TAF4B: variants seen among roughly 807,000 people sequenced by gnomAD.
TAF4B encodes transcription initiation factor TFIID subunit 4B.
TAF4B carries 38 observed loss-of-function variants against 86.4 expected under a neutral mutation model. The observed-to-expected ratio is 0.44, with a 90% CI of 0.34 to 0.58. TAF4B has a LOEUF of 0.58. Ranked by LOEUF, TAF4B falls within the 20% of genes least tolerant of loss-of-function variation. The pLI is 0.02. For synonymous variants in TAF4B, 388 were observed against 391.2 expected (o/e 0.99, Z 0.10); for missense variants, 988 against 1,027.6 (o/e 0.96, Z 0.53).
At chr18:26,317,930 T>C (rs557967886) in intron 10 of TAF4B, among the ~76,000 whole-genome samples, 3 of 152,228 alleles carry the variant, frequency 2.0e-5, no homozygotes, top group African/African-American at 7.2e-5. Flanking sequence ...CCCGTAAAAC[T>C]TCACTTACAA....
intron 13 of TAF4B, among the ~76,000 whole-genome samples, chr18:26,337,424 C>CTTTTTTTTT (rs551888808): frequency 3.4e-4 from 43 of 126,088 alleles, no homozygotes; most frequent in East Asian, 1.4e-3. Context: ...TTCTTTCTTT[C>CTTTTTTTTT]TTTTTTTTTT....
intron 13 of TAF4B, among the ~76,000 whole-genome samples, chr18:26,356,878 A>G (rs554869492): frequency 9.9e-5 from 15 of 151,146 alleles, no homozygotes; most frequent in African/African-American, 3.6e-4. Context: ...TTAATAGGAC[A>G]TCTTTCATGC....
At chr18:26,246,594 C>A (rs1328244433) in intron 1 of TAF4B, among the ~76,000 whole-genome samples, 1 of 151,646 alleles carries the variant, frequency 6.6e-6, no homozygotes, top group Non-Finnish European at 1.5e-5. Flanking sequence ...AGTGCAGTGG[C>A]GCGATCTCAG....
At chr18:26,306,868 C>T (rs1026193986) in intron 9 of TAF4B, among the ~76,000 whole-genome samples, 1 of 152,040 alleles carries the variant, frequency 6.6e-6, no homozygotes, top group Non-Finnish European at 1.5e-5. Context: ...AGCTCTGCCT[C>T]CTGGGTTCAC....
At chr18:26,313,856 TG>T (rs568120179) in intron 9 of TAF4B, among the ~76,000 whole-genome samples, 46 of 151,918 alleles carry the variant, frequency 3.0e-4, no homozygotes, top group Non-Finnish European at 6.0e-4. Flanking sequence ...TCTGTAGAGG[TG>T]GTATCTCCCT....
In TAF4B at chr18:26,226,933, G is replaced by A. The variant is rs2055584102; in HGVS notation, c.-1G>A. 2.2e-6 allele frequency: 3 copies of A among 1,371,032 alleles called. No homozygotes were observed. The highest frequency in any genetic ancestry group is 4.0e-5 in the Admixed American group (1 of 24,836). 84.9% of individuals were successfully genotyped at this position (1,371,032 alleles called of 1,614,324 possible). ...CAAAGCTGCCGCTGAGCCCCTGGGG[G>A]ATGCCCGCCGGCCTCACCGAACCCG... On this transcript the variant is annotated 5_prime_UTR_variant, in exon 1 of 15. Transcript: ENST00000269142.
At chr18:26,300,428 C>G (rs1009357439) in intron 9 of TAF4B, among the ~76,000 whole-genome samples, 6 of 149,358 alleles carry the variant, frequency 4.0e-5, no homozygotes, top group African/African-American at 1.5e-4. Context: ...CAATTTCTCC[C>G]TAAATACTGA....
chr18:26,286,832 C>A (rs573719739), intron 7 of TAF4B, among the ~76,000 whole-genome samples: 2 of 152,102 alleles, frequency 1.3e-5, no homozygotes, highest in Non-Finnish European at 2.9e-5. Flanking sequence ...TACAGGTGTG[C>A]ACCACCACGC....
chr18:26,261,677 C>T (rs1307769313), intron 1 of TAF4B, among the ~76,000 whole-genome samples: 2 of 152,182 alleles, frequency 1.3e-5, no homozygotes, highest in Non-Finnish European at 1.5e-5. Context: ...TAAATTTGGG[C>T]TCCTTTACAG....
At chr18:26,288,352 T>C (rs1306533220) in intron 7 of TAF4B, among the ~76,000 whole-genome samples, 1 of 152,076 alleles carries the variant, frequency 6.6e-6, no homozygotes, top group African/African-American at 2.4e-5. Context: ...AACAGTTAAG[T>C]GGCCGGGCGC....
intron 14 of TAF4B, among the ~76,000 whole-genome samples, chr18:26,387,687 G>T (rs1238055900): frequency 6.6e-6 from 1 of 152,102 alleles, no homozygotes; most frequent in Admixed American, 6.5e-5. Flanking sequence ...CTGTAGATGG[G>T]CTCTGGGATA....
chr18:26,277,003 C>G (rs1672438535), intron 5 of TAF4B, among the ~76,000 whole-genome samples: 2 of 152,086 alleles, frequency 1.3e-5, no homozygotes, highest in South Asian at 2.1e-4. Flanking sequence ...CTTTAAATTC[C>G]TAAAACTTGA....
intron 13 of TAF4B, among the ~76,000 whole-genome samples, chr18:26,354,802 T>A (rs2057274178): frequency 6.6e-6 from 1 of 152,258 alleles, no homozygotes; most frequent in South Asian, 2.1e-4. Flanking sequence ...TTGATTACTG[T>A]AGCCTTATAA....
chr18:26,293,667 T>C (rs977215486), intron 9 of TAF4B, 136 bp downstream of exon 9: 2 of 558,326 alleles, frequency 3.6e-6, no homozygotes, highest in Non-Finnish European at 6.2e-6. Context: ...TTGAGTATAA[T>C]TTATAAACAA....
chr18:26,303,687 ACTC>A (rs2056766084), intron 9 of TAF4B, among the ~76,000 whole-genome samples: 1 of 105,846 alleles, frequency 9.4e-6, no homozygotes, highest in African/African-American at 3.9e-5. Context: ...CCACTTTCAT[ACTC>A]CCTCCACTTT....
At chr18:26,265,610 T>C (rs1386413758) in intron 2 of TAF4B, among the ~76,000 whole-genome samples, 1 of 152,180 alleles carries the variant, frequency 6.6e-6, no homozygotes, top group African/African-American at 2.4e-5. Context: ...TGGAGTACAA[T>C]TGCGTGAACA....
intron 1 of TAF4B, chr18:26,255,729 G>C (rs2056074539): frequency 6.3e-7 from 1 of 1,596,572 alleles, no homozygotes; most frequent in Non-Finnish European, 8.6e-7. Context: ...CAGAGGCTGT[G>C]GCCCCTGCTC....
At chr18:26,250,690 G>C (rs2055993766) in intron 1 of TAF4B, among the ~76,000 whole-genome samples, 1 of 152,142 alleles carries the variant, frequency 6.6e-6, no homozygotes, top group African/African-American at 2.4e-5. Flanking sequence ...AAATAGGGTA[G>C]ATATTCTGTG....
rs760434215 is a variant in TAF4B at position 26,286,444 on chromosome 18, G to T, written c.1535G>T (p.Gly512Val). The T allele has an allele frequency of 3.7e-6, 6 of 1,614,044 alleles. No individual in the cohort carries two copies. In the South Asian group the frequency reaches 4.4e-5, roughly 12 times the overall value. Residue 512 changes from glycine to valine, a missense_variant, in exon 7 of 15, where the codon GGC becomes GTC. Transcript: ENST00000269142. ...TPVQIKLAQP[G>V]PVLSQPAGIP... Reference sequence around the variant, plus strand: ...GTTCAAATCAAACTTGCCCAGCCGGGCCCTGTCCTTTCACAACCAGCTGGG... The same window carrying T: ...GTTCAAATCAAACTTGCCCAGCCGGTCCCTGTCCTTTCACAACCAGCTGGG...
Sources: gnomAD v4.1 joint callset for allele counts (sites outside exome capture counted in the v4.1 genomes callset) on GRCh38, gnomAD v4.1.1 for gene constraint, MANE v1.5 for transcripts, NCBI Gene and HGNC (gene_info 2026-07-23, HGNC 2026-07-21) for gene names.